Variants in AFF3 observed in about 807,000 individuals in gnomAD.
The protein encoded by AFF3 is ALF transcription elongation factor 3.
In AFF3, 32 loss-of-function variants were observed where a neutral mutation model predicts 129.7. The observed-to-expected ratio is 0.25, with a 90% CI of 0.19 to 0.33. The LOEUF (loss-of-function observed/expected upper bound fraction) is 0.33. Ranked by LOEUF, AFF3 falls within the 10% of genes least tolerant of loss-of-function variation. AFF3 has a pLI of 1.00. For missense variants in AFF3, 1,373 were observed against 1,592.0 expected (o/e 0.86, Z 2.34); for synonymous variants, 644 against 635.4 (o/e 1.01, Z -0.20).
chr2:99,796,833 A>G (rs1340412126), intron 8 of AFF3, among the ~76,000 whole-genome samples: 1 of 152,222 alleles, frequency 6.6e-6, no homozygotes, highest in African/African-American at 2.4e-5. Flanking sequence ...CTCACCAGCC[A>G]GACTGTAAAA....
chr2:99,800,559 C>T (rs1442562023), intron 8 of AFF3, among the ~76,000 whole-genome samples: 3 of 152,176 alleles, frequency 2.0e-5, no homozygotes. Flanking sequence ...CATTCCACTC[C>T]TAGGTATTTA....
intron 13 of AFF3, among the ~76,000 whole-genome samples, chr2:99,623,824 G>A (rs1484252559): frequency 6.6e-6 from 1 of 152,218 alleles, no homozygotes; most frequent in African/African-American, 2.4e-5. Context: ...GTGTAGGGTG[G>A]AACAGGCAAG....
intron 7 of AFF3, among the ~76,000 whole-genome samples, chr2:99,923,474 C>A (rs1696001122): frequency 6.6e-6 from 1 of 152,200 alleles, no homozygotes; most frequent in Non-Finnish European, 1.5e-5. Flanking sequence ...CCCAAGTACT[C>A]TCAAGAGCCA....
At chr2:99,610,817 T>G (rs970347851) in intron 13 of AFF3, among the ~76,000 whole-genome samples, 1 of 152,222 alleles carries the variant, frequency 6.6e-6, no homozygotes, top group Admixed American at 6.5e-5. Flanking sequence ...TCTGTAGGTT[T>G]ATGTCTTTTG....
chr2:100,046,425 G>C (rs558724051), intron 4 of AFF3, among the ~76,000 whole-genome samples: 35 of 152,264 alleles, frequency 2.3e-4, no homozygotes, highest in Non-Finnish European at 3.7e-4. Context: ...TGAGGCTGTA[G>C]GAAAAAGAGG....
chr2:99,944,493 T>C (rs913583507), intron 7 of AFF3, among the ~76,000 whole-genome samples: 4 of 152,218 alleles, frequency 2.6e-5, no homozygotes, highest in Non-Finnish European at 4.4e-5. Context: ...GGTTGGTCAA[T>C]GCTTCCCATT....
intron 12 of AFF3, among the ~76,000 whole-genome samples, chr2:99,664,436 T>A (rs1686501813): frequency 6.6e-6 from 1 of 152,242 alleles, no homozygotes; most frequent in Non-Finnish European, 1.5e-5. Flanking sequence ...CTGTTTGAGA[T>A]AACTTATGAA....
At chr2:99,695,522 A>C (rs1208589102) in intron 11 of AFF3, among the ~76,000 whole-genome samples, 1 of 152,190 alleles carries the variant, frequency 6.6e-6, no homozygotes, top group African/African-American at 2.4e-5. Flanking sequence ...CTGCAGGGGA[A>C]AAAAATCTGG....
intron 19 of AFF3, among the ~76,000 whole-genome samples, chr2:99,567,763 G>A (rs992645607): frequency 3.9e-5 from 6 of 152,190 alleles, no homozygotes; most frequent in Admixed American, 3.9e-4. Context: ...CTCCTCTTGG[G>A]AAATCGTCAA....
intron 20 of AFF3, 61 bp from the exon 21 acceptor site, chr2:99,560,497 A>G (rs1209111266): frequency 6.7e-7 from 1 of 1,499,936 alleles, no homozygotes; most frequent in African/African-American, 1.4e-5. Context: ...AAATAGTAAA[A>G]CTAGCTTTTT....
At chr2:99,723,252 T>C (rs1010955453) in intron 11 of AFF3, among the ~76,000 whole-genome samples, 2 of 152,192 alleles carry the variant, frequency 1.3e-5, no homozygotes, top group African/African-American at 4.8e-5. Context: ...ACTCGGGTGT[T>C]GTCCAGACTG....
At chr2:100,048,391 G>A (rs1411076573) in intron 4 of AFF3, among the ~76,000 whole-genome samples, 1 of 152,192 alleles carries the variant, frequency 6.6e-6, no homozygotes, top group Non-Finnish European at 1.5e-5. Context: ...TAGTGGAGCA[G>A]CTCTCCGTGA....
intron 2 of AFF3, among the ~76,000 whole-genome samples, chr2:100,123,716 G>T (rs1692074237): frequency 6.6e-6 from 1 of 152,108 alleles, no homozygotes; most frequent in African/African-American, 2.4e-5. Flanking sequence ...TAGCAGACAT[G>T]CCCCACCCCA....
intron 4 of AFF3, among the ~76,000 whole-genome samples, chr2:100,092,367 G>A (rs1559119295): frequency 6.6e-6 from 1 of 151,972 alleles, no homozygotes; most frequent in Admixed American, 6.6e-5. Context: ...CACCGGCCCA[G>A]GCTAGTCAGC....
intron 4 of AFF3, among the ~76,000 whole-genome samples, chr2:100,093,626 C>T (rs1690046779): frequency 6.6e-6 from 1 of 151,914 alleles, no homozygotes; most frequent in South Asian, 2.1e-4. Flanking sequence ...TCAAAAGCAG[C>T]TATGCCATGT....
At chr2:99,613,107 A>C (rs533496007) in intron 13 of AFF3, among the ~76,000 whole-genome samples, 1 of 152,208 alleles carries the variant, frequency 6.6e-6, no homozygotes, top group Non-Finnish European at 1.5e-5. Context: ...CTATTCATGT[A>C]TTACTGAATT....
chr2:100,058,732 T>C (rs367680708), intron 4 of AFF3, among the ~76,000 whole-genome samples: 17 of 152,250 alleles, frequency 1.1e-4, no homozygotes, highest in African/African-American at 4.1e-4. Flanking sequence ...TATAAAACTC[T>C]TAGAAAATAT....
chr2:99,964,940 T>C (rs931602671), intron 7 of AFF3, among the ~76,000 whole-genome samples: 1 of 152,190 alleles, frequency 6.6e-6, no homozygotes, highest in Admixed American at 6.5e-5. Context: ...GACTCTACAA[T>C]GATCTCAACA....
At chr2:99,968,235 C>A (rs1377020293) in intron 7 of AFF3, among the ~76,000 whole-genome samples, 7 of 152,184 alleles carry the variant, frequency 4.6e-5, no homozygotes. Flanking sequence ...TGGCCTCATG[C>A]TTTAGTGCCT....
Sources: allele counts gnomAD v4.1 joint callset (sites outside exome capture counted in the v4.1 genomes callset), GRCh38; gene constraint gnomAD v4.1.1; transcripts MANE v1.5; gene names NCBI Gene and HGNC (gene_info 2026-07-23, HGNC 2026-07-21).